LDLRAD4: variants seen among roughly 807,000 people sequenced by gnomAD.
LDLRAD4 encodes the protein low density lipoprotein receptor class A domain containing 4, also known as low-density lipoprotein receptor class A domain-containing protein 4.
Under a neutral mutation model 17.0 loss-of-function variants are expected in LDLRAD4, and 5 were observed. The ratio of observed to expected loss-of-function variants is 0.29; its 90% CI spans 0.15 to 0.62. The LOEUF is 0.62. Ranked by LOEUF, LDLRAD4 falls within the 20% of genes least tolerant of loss-of-function variation. The probability of loss-of-function intolerance (pLI) is 0.84; values close to 1 mark genes in which losing one functional copy is unlikely to be tolerated. For missense variants in LDLRAD4, 340 were observed against 424.7 expected (o/e 0.80, Z 1.75); for synonymous variants, 168 against 171.8 (o/e 0.98, Z 0.17).
At chr18:13,447,539 A>G (rs972158424) in intron 3 of LDLRAD4, among the ~76,000 whole-genome samples, 1 of 152,244 alleles carries the variant, frequency 6.6e-6, no homozygotes, top group Non-Finnish European at 1.5e-5. Context: ...ATTTACTTGG[A>G]TAAAAACAAC....
chr18:13,551,428 A>G (rs2094433827), intron 3 of LDLRAD4, among the ~76,000 whole-genome samples: 1 of 152,184 alleles, frequency 6.6e-6, no homozygotes. Context: ...ACACAGAGCA[A>G]AGAGTGAATC....
chr18:13,261,747 C>G lies in LDLRAD4; in HGVS notation c.-466-16358C>G, dbSNP rs140950407. On this transcript the variant is annotated intron_variant, in intron 1 of 5. Coordinates refer to the LDLRAD4 transcript ENST00000399848. ...AGACTTCATCTATATTGAAGACTGC[C>G]CAAGAGTTATGGCTTACCCGGCTGC... is the stretch of plus-strand genomic sequence containing the variant. Among the ~76,000 whole-genome samples, 608 of 152,252 alleles carry G rather than the reference C, an allele frequency of 4.0e-3. 3 individuals carry two copies. Among genetic ancestry groups the G allele is most frequent in the African/African-American group, 0.014 (577 of 41,542 alleles).
intron 4 of LDLRAD4, among the ~76,000 whole-genome samples, chr18:13,639,563 G>A (rs1304438594): frequency 1.3e-5 from 2 of 152,196 alleles, no homozygotes; most frequent in Non-Finnish European, 2.9e-5. Flanking sequence ...GGTACGGGGT[G>A]GTTGGGATTC....
intron 1 of LDLRAD4, among the ~76,000 whole-genome samples, chr18:13,237,099 A>G (rs977028089): frequency 1.3e-5 from 2 of 152,206 alleles, no homozygotes; most frequent in Non-Finnish European, 2.9e-5. Flanking sequence ...AACGCTTGCT[A>G]GGCATGCTGG....
At chr18:13,223,252 C>T (rs1359850820) in intron 1 of LDLRAD4, among the ~76,000 whole-genome samples, 2 of 152,196 alleles carry the variant, frequency 1.3e-5, no homozygotes, top group Non-Finnish European at 2.9e-5. Context: ...TGTTTGCCCT[C>T]ATCTGCTCTG....
At chr18:13,590,233 G>A (rs1485632671) in intron 3 of LDLRAD4, among the ~76,000 whole-genome samples, 2 of 151,594 alleles carry the variant, frequency 1.3e-5, no homozygotes, top group East Asian at 3.9e-4. Flanking sequence ...GTGGGTATAA[G>A]TGTGTGCATG....
chr18:13,561,910 A>G (rs1469205572), intron 3 of LDLRAD4: 1 of 152,252 alleles, frequency 6.6e-6, no homozygotes, highest in Non-Finnish European at 1.5e-5. Flanking sequence ...AGAAAACCTA[A>G]AAGAAAAACC....
In LDLRAD4 at chr18:13,478,027, G is replaced by T. The variant is rs541401618; in HGVS notation, c.181+39643G>T. On this transcript the variant is annotated intron_variant, in intron 3 of 5. Coordinates refer to ENST00000359446, the Ensembl canonical transcript of LDLRAD4. ...CTTCGTCCCCCTCCTTCCTGCTTCGGACCTACTTCTGATACAGTGAGGGAG... is the reference window on the plus strand; with the variant it reads ...CTTCGTCCCCCTCCTTCCTGCTTCGTACCTACTTCTGATACAGTGAGGGAG... Among the ~76,000 whole-genome samples, 16 of 152,266 alleles carry T rather than the reference G, an allele frequency of 1.1e-4. No individual in the cohort carries two copies. In the East Asian group the frequency reaches 2.7e-3, roughly 26 times the overall value.
At chr18:13,591,171 TTAAAA>T (rs946740253) in intron 3 of LDLRAD4, among the ~76,000 whole-genome samples, 2 of 152,208 alleles carry the variant, frequency 1.3e-5, no homozygotes, top group African/African-American at 4.8e-5. Flanking sequence ...CTTCTCTCTC[TTAAAA>T]TAAAGCCATA....
intron 1 of LDLRAD4, among the ~76,000 whole-genome samples, chr18:13,339,637 CT>C (rs917023205): frequency 4.3e-4 from 65 of 151,960 alleles, no homozygotes; most frequent in African/African-American, 6.8e-4. Context: ...TAAAATAAAA[CT>C]TTTTTTTATT....
intron 3 of LDLRAD4, chr18:13,522,745 T>C (rs2093971405): frequency 6.6e-6 from 1 of 152,248 alleles, no homozygotes; most frequent in African/African-American, 2.4e-5. Flanking sequence ...TTCTACTCTT[T>C]TAAATGAACC....
intron 3 of LDLRAD4, among the ~76,000 whole-genome samples, chr18:13,571,541 G>T (rs1166151468): frequency 6.6e-6 from 1 of 152,226 alleles, no homozygotes; most frequent in East Asian, 1.9e-4. Flanking sequence ...TTAAGCTCAC[G>T]CATGATGGCG....
chr18:13,414,355 G>C (rs1042130206), intron 2 of LDLRAD4, among the ~76,000 whole-genome samples: 1 of 152,206 alleles, frequency 6.6e-6, no homozygotes, highest in African/African-American at 2.4e-5. Flanking sequence ...ATTGCACTAA[G>C]TGGGCCAGTG....
intron 2 of LDLRAD4, among the ~76,000 whole-genome samples, chr18:13,426,632 C>G (rs1354165802): frequency 2.0e-5 from 3 of 152,162 alleles, no homozygotes; most frequent in African/African-American, 7.2e-5. Context: ...TGATCCCAGC[C>G]TTGAGTGTTA....
intron 1 of LDLRAD4, among the ~76,000 whole-genome samples, chr18:13,270,452 G>A (rs2044468285): frequency 6.6e-6 from 1 of 152,142 alleles, no homozygotes; most frequent in Non-Finnish European, 1.5e-5. Context: ...GGTCGAGAGG[G>A]CAAAGTATGC....
chr18:13,458,038 T>C (rs1367419024), intron 3 of LDLRAD4, among the ~76,000 whole-genome samples: 1 of 152,184 alleles, frequency 6.6e-6, no homozygotes, highest in African/African-American at 2.4e-5. Flanking sequence ...TTCTTTGCTT[T>C]TCCTAATGGT....
chr18:13,232,576 G>T (rs2042134470), intron 1 of LDLRAD4, among the ~76,000 whole-genome samples: 1 of 152,068 alleles, frequency 6.6e-6, no homozygotes, highest in South Asian at 2.1e-4. Flanking sequence ...CTGCTGCCCC[G>T]TGCTGTGCTC....
chr18:13,400,454 G>A (rs1010257659), intron 2 of LDLRAD4, among the ~76,000 whole-genome samples: 1 of 152,226 alleles, frequency 6.6e-6, no homozygotes, highest in African/African-American at 2.4e-5. Flanking sequence ...ATGGCACTGG[G>A]ACTGGGCTGC....
intron 1 of LDLRAD4, among the ~76,000 whole-genome samples, chr18:13,333,735 G>T (rs1478111353): frequency 1.3e-5 from 2 of 152,090 alleles, no homozygotes; most frequent in African/African-American, 4.8e-5. Flanking sequence ...GTCTCTTTCT[G>T]GAATTTCTAT....
Sources: gnomAD v4.1 joint callset for allele counts (sites outside exome capture counted in the v4.1 genomes callset) on GRCh38, gnomAD v4.1.1 for gene constraint, MANE v1.5 for transcripts, NCBI Gene and HGNC (gene_info 2026-07-23, HGNC 2026-07-21) for gene names.